HEPACAM: variants seen among roughly 807,000 people sequenced by gnomAD.
HEPACAM encodes hepatic and glial cell adhesion molecule.
In HEPACAM, 18 loss-of-function variants were observed where a neutral mutation model predicts 38.3. The observed-to-expected ratio is 0.47, with a 90% CI of 0.33 to 0.70. The LOEUF is 0.70. HEPACAM is among the 30% of genes least tolerant of loss of function. HEPACAM has a pLI of 0.03. For synonymous variants in HEPACAM, 216 were observed against 243.1 expected (o/e 0.89, Z 1.04); for missense variants, 466 against 563.0 (o/e 0.83, Z 1.74).
chr11:124,920,650 G>T lies in HEPACAM; in HGVS notation c.*488C>A. ...TAGCTTAGTGCAGCTGTGGATTCTG[G>T]GAAAGTGGCCTCTCTAATCTGAACT... is the stretch of plus-strand genomic sequence containing the variant. On this transcript the variant is annotated 3_prime_UTR_variant, in exon 7 of 7. Transcript: ENST00000298251. 1.3e-6 allele frequency: 1 copy of T among 746,628 alleles called. No individual in the cohort carries two copies. The allele number at this position is 746,628 out of a possible 1,614,324, so 46.3% of individuals were successfully genotyped here.
chr11:124,921,348 G>C lies in HEPACAM; in HGVS notation c.1041C>G (p.Pro347=). ...PPGYSVSPAV[P]GRSPGLPIRS... ...GGATGGGCAGCCCCGGCGAGCGGCCGGGCACGGCGGGAGACACGGAGTAGC... is the reference window on the plus strand; with the variant it reads ...GGATGGGCAGCCCCGGCGAGCGGCCCGGCACGGCGGGAGACACGGAGTAGC... Residue 347 remains proline (P), a synonymous_variant, in exon 7 of 7, where the codon CCC becomes CCG. Transcript: ENST00000298251. This position sits in a 1 kb window ranked among gnomAD's most constrained non-coding sequence, Gnocchi z 4.6. 2.4e-6 allele frequency: 3 copies of C among 1,267,832 alleles called. 1 individual carries two copies. Among genetic ancestry groups the C allele is most frequent in the African/African-American group, 3.1e-5 (2 of 64,664 alleles). 78.5% of individuals were successfully genotyped at this position (1,267,832 alleles called of 1,614,324 possible).
At position 124,919,727 on chromosome 11, in the gene HEPACAM, A is replaced by T. The variant is rs758244596; in HGVS notation, c.*1411T>A. The T allele has an allele frequency of 6.2e-7, 1 of 1,610,820 alleles. No homozygotes were observed. The highest frequency in any genetic ancestry group is 8.5e-7 in the Non-Finnish European group (1 of 1,178,380). On this transcript the variant is annotated 3_prime_UTR_variant, in exon 7 of 7. Coordinates refer to ENST00000298251, the MANE Select transcript of HEPACAM (RefSeq NM_152722.5). ...ATGTCAGTGCCTTTGGGGCTGAGAC[A>T]AAACTTGACCTGGTGTGGAGGTGAT...
chr11:124,923,148 A>G (rs1947162145), intron 4 of HEPACAM, among the ~76,000 whole-genome samples, 192 bp downstream of exon 4: 1 of 152,148 alleles, frequency 6.6e-6, no homozygotes, highest in Non-Finnish European at 1.5e-5. Flanking sequence ...GAAAAAACCT[A>G]TTGTTACTGG....
At chr11:124,931,692 A>G (rs1221268531) in intron 1 of HEPACAM, among the ~76,000 whole-genome samples, 1 of 152,226 alleles carries the variant, frequency 6.6e-6, no homozygotes, top group East Asian at 1.9e-4. Context: ...CAAATACCCT[A>G]TAATTAAGCA....
At position 124,921,042 on chromosome 11, in the gene HEPACAM, G is replaced by A. The variant is rs944461329; in HGVS notation, c.*96C>T. ...CAGCGCCCCCCCGGGACCTCCCCTC[G>A]TCCCCAGCGCGCCGCGCCCGGGCTT... On this transcript the variant is annotated 3_prime_UTR_variant, in exon 7 of 7. Coordinates refer to ENST00000298251, the MANE Select transcript of HEPACAM (RefSeq NM_152722.5). This position sits in a 1 kb window ranked among gnomAD's most constrained non-coding sequence, Gnocchi z 4.6. The A allele has an allele frequency of 4.3e-6, 6 of 1,408,976 alleles. No homozygotes were observed. In the African/African-American group the frequency reaches 4.5e-5, roughly 11 times the overall value. 87.3% of individuals were successfully genotyped at this position (1,408,976 alleles called of 1,614,324 possible).
At chr11:124,923,521 G>T (rs916264380) in intron 3 of HEPACAM, 88 bp from the exon 4 acceptor site, 3 of 1,170,484 alleles carry the variant, frequency 2.6e-6, no homozygotes, top group East Asian at 2.3e-5. Flanking sequence ...ATGGAAGAGA[G>T]GGGGAGCCCC....
intron 6 of HEPACAM, among the ~76,000 whole-genome samples, chr11:124,922,087 A>C (rs1947147394): frequency 6.6e-6 from 1 of 152,198 alleles, no homozygotes; most frequent in Non-Finnish European, 1.5e-5. Flanking sequence ...TCGTGGCTGC[A>C]TTCGATTCTC....
intron 1 of HEPACAM, among the ~76,000 whole-genome samples, chr11:124,935,380 A>C (rs964396352): frequency 5.3e-5 from 8 of 152,080 alleles, no homozygotes; most frequent in Admixed American, 1.3e-4. Flanking sequence ...CACTTCTCAA[A>C]GGATTGGTAG....
At chr11:124,925,999 G>A (rs1005201108) in intron 1 of HEPACAM, among the ~76,000 whole-genome samples, 1 of 152,128 alleles carries the variant, frequency 6.6e-6, no homozygotes, top group Non-Finnish European at 1.5e-5. Flanking sequence ...TCAGGAGTTC[G>A]AGACCAGCCT....
chr11:124,933,921 C>G (rs1205234977), intron 1 of HEPACAM, among the ~76,000 whole-genome samples: 1 of 152,180 alleles, frequency 6.6e-6, no homozygotes, highest in Non-Finnish European at 1.5e-5. Context: ...GCATTTCTTC[C>G]TCTGCTTCCT....
intron 1 of HEPACAM, among the ~76,000 whole-genome samples, chr11:124,926,967 CA>C (rs766452803): frequency 2.6e-4 from 39 of 152,098 alleles, no homozygotes; most frequent in Non-Finnish European, 5.3e-4. Flanking sequence ...CTCCCAGGTT[CA>C]CGCCATTCTC....
chr11:124,923,239 A>G (rs2135398366), intron 4 of HEPACAM, 101 bp downstream of exon 4: 2 of 845,718 alleles, frequency 2.4e-6, no homozygotes, highest in Admixed American at 3.4e-5. Flanking sequence ...AAGAGATGCA[A>G]AACCCTGGGA....
chr11:124,925,238 C>T lies in HEPACAM; in HGVS notation c.86-169G>A, dbSNP rs549756523. ...TGCTATCTCCTCCCCCACAGTAGCT[C>T]TGTGCACTTCTGCCCCTTTGTTCTC... On this transcript the variant is annotated intron_variant, in intron 1 of 6. Transcript: ENST00000298251. 2.2e-4 allele frequency among the ~76,000 whole-genome samples: 34 copies of T among 152,362 alleles called. No individual in the cohort carries two copies. In the South Asian group the frequency reaches 6.2e-3, roughly 28 times the overall value.
chr11:124,933,953 G>A (rs1413574521), intron 1 of HEPACAM, among the ~76,000 whole-genome samples: 2 of 152,080 alleles, frequency 1.3e-5, no homozygotes, highest in Non-Finnish European at 2.9e-5. Flanking sequence ...GAGGTTACAT[G>A]ATGTTTCATT....
chr11:124,921,193 C>G lies in HEPACAM; in HGVS notation c.1196G>C (p.Gly399Ala). 2 of 1,519,704 alleles carry G rather than the reference C, an allele frequency of 1.3e-6. No individual in the cohort carries two copies. The highest frequency in any genetic ancestry group is 8.8e-7 in the Non-Finnish European group (1 of 1,140,842). The allele number at this position is 1,519,704 out of a possible 1,614,324, so 94.1% of individuals were successfully genotyped here. Residue 399 changes from glycine to alanine, a missense_variant, in exon 7 of 7, where the codon GGC (glycine) becomes GCC (alanine). Physicochemically the swap from Gly to Ala is moderately conservative, Grantham distance 60 (BLOSUM62 0). Transcript: ENST00000298251. The surrounding 1 kb of genome is among the most constrained non-coding windows in gnomAD (Gnocchi z 4.6). ...RSASRTLRTA[G>A]VHIIREQDEA... ...GTCTTGCTCGCGGATTATGTGCACGCCCGCAGTCCGCAGTGTGCGCGAGGC... is the reference window on the plus strand; with the variant it reads ...GTCTTGCTCGCGGATTATGTGCACGGCCGCAGTCCGCAGTGTGCGCGAGGC...
At chr11:124,935,455 C>T (rs556677697) in intron 1 of HEPACAM, among the ~76,000 whole-genome samples, 22 of 152,048 alleles carry the variant, frequency 1.4e-4, no homozygotes, top group Non-Finnish European at 2.8e-4. Flanking sequence ...GTATGACTAT[C>T]CCACATTAGG....
In HEPACAM at chr11:124,920,585, C is replaced by G. The variant is rs958335863; in HGVS notation, c.*553G>C. 2.4e-6 allele frequency: 3 copies of G among 1,230,638 alleles called. No individual in the cohort carries two copies. In the African/African-American group the frequency reaches 4.8e-5, roughly 20 times the overall value. 76.2% of individuals were successfully genotyped at this position (1,230,638 alleles called of 1,614,324 possible). A position where few individuals can be genotyped will look rare whatever the true frequency, so the allele number is the denominator to read the frequency against. ...TCACAATGATCCCCCCAGCTCAGAACAGCCCCTGCACACCCAGTAACCGGC... is the reference window on the plus strand; with the variant it reads ...TCACAATGATCCCCCCAGCTCAGAAGAGCCCCTGCACACCCAGTAACCGGC... On this transcript the variant is annotated 3_prime_UTR_variant, in exon 7 of 7. Coordinates refer to ENST00000298251, the MANE Select transcript of HEPACAM (RefSeq NM_152722.5).
intron 4 of HEPACAM, among the ~76,000 whole-genome samples, 195 bp downstream of exon 4, chr11:124,923,145 C>G (rs988897208): frequency 4.6e-5 from 7 of 152,186 alleles, no homozygotes; most frequent in Non-Finnish European, 1.0e-4. Context: ...AGTGAAAAAA[C>G]CTATTGTTAC....
intron 3 of HEPACAM, 98 bp downstream of exon 3, chr11:124,923,631 T>TC: frequency 6.8e-7 from 1 of 1,471,438 alleles, no homozygotes. Flanking sequence ...TCTGTTCCCC[T>TC]CCCCCCAGTG....
Sources: gnomAD v4.1 joint callset for allele counts (sites outside exome capture counted in the v4.1 genomes callset) on GRCh38, gnomAD v4.1.1 for gene constraint, Gnocchi (gnomAD v3.1) non-coding constraint, MANE v1.5 for transcripts, NCBI Gene and HGNC (gene_info 2026-07-23, HGNC 2026-07-21) for gene names.